The following SORL1 variants were observed in gnomAD, a reference collection of about 807,000 sequenced individuals.
SORL1 encodes the protein sortilin related receptor 1.
SORL1 carries 127 observed loss-of-function variants against 273.7 expected under a neutral mutation model. The observed-to-expected ratio is 0.46, with a 90% CI of 0.40 to 0.54. The LOEUF is 0.54. Ranked by LOEUF, SORL1 falls within the 20% of genes least tolerant of loss-of-function variation. SORL1 has a pLI of 0.00. For missense variants in SORL1, 2,494 were observed against 2,846.1 expected (o/e 0.88, Z 2.81); for synonymous variants, 1,031 against 1,067.4 (o/e 0.97, Z 0.66).
rs944808302 is a variant in SORL1 at position 121,555,016 on chromosome 11, A to G, written c.2440-171A>G. On this transcript the variant is annotated intron_variant, in intron 17 of 47. Transcript: ENST00000260197. ...AAAACAAAAATGTAGTATATTTTAG[A>G]AATGCTTTCATGAAAACCTGGCTTC... 3 of 620,966 alleles carry G rather than the reference A, an allele frequency of 4.8e-6. No homozygotes were observed. The African/African-American group carries it at 5.5e-5, about 11-fold the overall frequency. The allele number at this position is 620,966 out of a possible 1,614,324, so 38.5% of individuals were successfully genotyped here.
chr11:121,529,923 A>G (rs1001284891), intron 11 of SORL1, among the ~76,000 whole-genome samples: 22 of 152,104 alleles, frequency 1.4e-4, no homozygotes, highest in African/African-American at 5.3e-4. Context: ...ATCTAGATAC[A>G]TTAAGTATTC....
chr11:121,612,862 G>T (rs1214546395), intron 40 of SORL1, 30 bp downstream of exon 40: 5 of 1,505,726 alleles, frequency 3.3e-6, no homozygotes, highest in South Asian at 1.1e-5. Context: ...CAGTGTGTGT[G>T]CAGGAAGGGG....
intron 46 of SORL1, chr11:121,626,865 G>A (rs576308415): frequency 6.6e-6 from 1 of 152,428 alleles, no homozygotes; most frequent in Non-Finnish European, 1.5e-5. Context: ...TAGAGCCCTG[G>A]TGGTACAAAT....
In SORL1 at chr11:121,604,242, C is replaced by T. The variant is rs765220891; in HGVS notation, c.4569C>T (p.Asp1523=). 43 of 1,613,904 alleles carry T rather than the reference C, an allele frequency of 2.7e-5. No individual in the cohort carries two copies. The highest frequency in any genetic ancestry group is 1.6e-4 in the Middle Eastern group (1 of 6,084). The change falls in exon 33 of 48, where the codon GAC becomes GAT. Residue 1523 remains aspartate (D), a synonymous_variant. Transcript: ENST00000260197. ...TCMSREFQCE[D]GEACIVLSER... ...TGAGCAGGGAGTTCCAGTGCGAGGACGGGGAGGCCTGCATTGTGCTCTCGG... is the reference window on the plus strand; with the variant it reads ...TGAGCAGGGAGTTCCAGTGCGAGGATGGGGAGGCCTGCATTGTGCTCTCGG...
chr11:121,547,696 A>T (rs1444961855), intron 14 of SORL1, among the ~76,000 whole-genome samples: 2 of 152,014 alleles, frequency 1.3e-5, no homozygotes, highest in African/African-American at 4.8e-5. Flanking sequence ...TATGGATGTC[A>T]GCTGTTCCCC....
At chr11:121,504,110 C>A (rs1367914941) in intron 6 of SORL1, among the ~76,000 whole-genome samples, 1 of 152,122 alleles carries the variant, frequency 6.6e-6, no homozygotes, top group Non-Finnish European at 1.5e-5. Flanking sequence ...TCCCGGACTT[C>A]TTTAGTTAAA....
intron 12 of SORL1, among the ~76,000 whole-genome samples, chr11:121,538,689 A>AT (rs1862303667): frequency 6.6e-6 from 1 of 150,766 alleles, no homozygotes; most frequent in Non-Finnish European, 1.5e-5. Context: ...GCATTTATTT[A>AT]TTTTTTTGAG....
chr11:121,574,452 C>G (rs1296927319), intron 24 of SORL1, 89 bp downstream of exon 24: 3 of 1,215,840 alleles, frequency 2.5e-6, no homozygotes, highest in Non-Finnish European at 3.5e-6. Context: ...TACTGGTTTT[C>G]TGATAGCCGT....
At chr11:121,527,238 T>C (rs1318579484) in intron 11 of SORL1, among the ~76,000 whole-genome samples, 1 of 151,880 alleles carries the variant, frequency 6.6e-6, no homozygotes, top group Non-Finnish European at 1.5e-5. Context: ...TTTTGTGAAA[T>C]GCTATTTTTA....
chr11:121,594,023 A>T (rs985546721), intron 31 of SORL1, among the ~76,000 whole-genome samples: 1 of 152,130 alleles, frequency 6.6e-6, no homozygotes, highest in Non-Finnish European at 1.5e-5. Context: ...TTGGCGTGCT[A>T]GATTGTAAGT....
At chr11:121,624,644 T>C (rs527539094) in intron 45 of SORL1, among the ~76,000 whole-genome samples, 5 of 152,344 alleles carry the variant, frequency 3.3e-5, no homozygotes, top group Non-Finnish European at 7.3e-5. Context: ...TCTTGTCTTT[T>C]CTAATTGCAA....
At chr11:121,453,701 A>G (rs1428132548) in intron 1 of SORL1, among the ~76,000 whole-genome samples, 1 of 152,212 alleles carries the variant, frequency 6.6e-6, no homozygotes, top group East Asian at 1.9e-4. Context: ...CAACCCTTGG[A>G]TCCAGGACGA....
chr11:121,498,387 C>T (rs1003805153), intron 6 of SORL1, among the ~76,000 whole-genome samples: 4 of 152,136 alleles, frequency 2.6e-5, no homozygotes, highest in Admixed American at 1.3e-4. Context: ...TTCAGTTCTC[C>T]AGGGTTTATA....
intron 14 of SORL1, among the ~76,000 whole-genome samples, chr11:121,548,532 T>A (rs1862465640): frequency 2.0e-5 from 3 of 152,210 alleles, no homozygotes; most frequent in Non-Finnish European, 1.5e-5. Context: ...ACTTTTTGTG[T>A]CAGAAATGTT....
At chr11:121,500,274 T>A (rs1035983443) in intron 6 of SORL1, among the ~76,000 whole-genome samples, 3 of 152,202 alleles carry the variant, frequency 2.0e-5, no homozygotes, top group African/African-American at 7.2e-5. Context: ...CACAACCTCA[T>A]AACCTCACTA....
chr11:121,570,304 C>A, intron 23 of SORL1, 34 bp downstream of exon 23: 1 of 1,523,976 alleles, frequency 6.6e-7, no homozygotes, highest in South Asian at 1.1e-5. Context: ...AAGCACTTAC[C>A]ATTACTCAGA....
At chr11:121,498,908 C>G (rs1298199361) in intron 6 of SORL1, among the ~76,000 whole-genome samples, 2 of 151,788 alleles carry the variant, frequency 1.3e-5, no homozygotes, top group African/African-American at 2.4e-5. Context: ...CTAGCTGGAG[C>G]TTTCTGTGCC....
At position 121,622,194 on chromosome 11, in the gene SORL1, A is replaced by T. The variant is rs755920359; in HGVS notation, c.6097A>T (p.Ile2033Leu). ...SLSAPDALKI[I>L]TENDHVLLFW... The stretch of plus-strand genomic sequence containing the variant: ...ATCAGCACCTGATGCCTTAAAAATC[A>T]TAACAGAAAATGATCATGTTCTTCT... Residue 2033 changes from isoleucine to leucine, a missense_variant, in exon 45 of 48, where the codon ATA (isoleucine) becomes TTA (leucine). By Grantham distance (5) the Ile-to-Leu change is conservative. Transcript: ENST00000260197. 7 of 1,612,020 alleles carry T rather than the reference A, an allele frequency of 4.3e-6. No homozygotes were observed. In the East Asian group the frequency reaches 1.3e-4, roughly 31 times the overall value.
At chr11:121,542,480 C>G (rs1862362417) in intron 12 of SORL1, among the ~76,000 whole-genome samples, 1 of 151,484 alleles carries the variant, frequency 6.6e-6, no homozygotes, top group South Asian at 2.1e-4. Flanking sequence ...TTTGAAGAAT[C>G]TGGAGCAGTT....
Sources: allele counts gnomAD v4.1 joint callset (sites outside exome capture counted in the v4.1 genomes callset), GRCh38; gene constraint gnomAD v4.1.1; transcripts MANE v1.5; gene names NCBI Gene and HGNC (gene_info 2026-07-23, HGNC 2026-07-21).